Variants in CCDC150 observed in about 807,000 individuals in gnomAD.
The protein encoded by CCDC150 is coiled-coil domain containing 150.
In CCDC150, 151 loss-of-function variants were observed where a neutral mutation model predicts 156.5. That is an observed-to-expected ratio of 0.97 (90% confidence interval 0.85 to 1.10). The LOEUF is 1.10. Among genes scored for constraint, CCDC150 ranks in the 50% least tolerant of loss-of-function variants. The pLI, the probability that CCDC150 is intolerant of heterozygous loss-of-function variation, is 0.00. For synonymous variants in CCDC150, 452 were observed against 429.4 expected (o/e 1.05, Z -0.65); for missense variants, 1,312 against 1,268.1 (o/e 1.03, Z -0.53).
intron 13 of CCDC150, among the ~76,000 whole-genome samples, chr2:196,681,335 GCACACACACATA>G (rs1694807664): frequency 6.6e-6 from 1 of 151,896 alleles, no homozygotes; most frequent in African/African-American, 2.4e-5. Flanking sequence ...GTATGTGCAC[GCACACACACATA>G]CACACACACC....
intron 9 of CCDC150, 128 bp downstream of exon 9, chr2:196,672,565 T>G: frequency 2.0e-6 from 1 of 493,410 alleles, no homozygotes. Flanking sequence ...TTCATTTCCA[T>G]AAGATTTATT....
At chr2:196,685,482 A>G (rs1456070883) in intron 13 of CCDC150, among the ~76,000 whole-genome samples, 1 of 152,236 alleles carries the variant, frequency 6.6e-6, no homozygotes, top group Non-Finnish European at 1.5e-5. Flanking sequence ...GAGTGTGTTT[A>G]AACTAGAAGA....
chr2:196,693,510 C>T (rs1288158199), intron 13 of CCDC150, among the ~76,000 whole-genome samples: 2 of 152,192 alleles, frequency 1.3e-5, no homozygotes, highest in Non-Finnish European at 2.9e-5. Context: ...TATCCTTCAG[C>T]CTTGACACAC....
At chr2:196,730,187 T>C (rs1698449751) in intron 25 of CCDC150, 69 bp downstream of exon 25, 1 of 1,386,036 alleles carries the variant, frequency 7.2e-7, no homozygotes, top group Non-Finnish European at 9.8e-7. Context: ...CCAGTAGTTT[T>C]GCACCTAGAC....
intron 15 of CCDC150, among the ~76,000 whole-genome samples, chr2:196,703,532 A>G (rs1254031913): frequency 1.3e-5 from 2 of 152,192 alleles, no homozygotes; most frequent in South Asian, 2.1e-4. Context: ...TCTCATTGGG[A>G]AAAATAGGCT....
chr2:196,702,665 T>C (rs1344869465), intron 15 of CCDC150, among the ~76,000 whole-genome samples: 1 of 151,648 alleles, frequency 6.6e-6, no homozygotes, highest in East Asian at 1.9e-4. Context: ...TCAGTACTTT[T>C]TAAAGCTACT....
At chr2:196,652,424 T>C (rs189025663) in intron 2 of CCDC150, among the ~76,000 whole-genome samples, 1 of 152,330 alleles carries the variant, frequency 6.6e-6, no homozygotes, top group African/African-American at 2.4e-5. Flanking sequence ...AAAGGAGCAA[T>C]GGGTCCCACA....
chr2:196,705,817 C>T (rs1161446615), intron 15 of CCDC150, among the ~76,000 whole-genome samples: 2 of 152,112 alleles, frequency 1.3e-5, no homozygotes, highest in Admixed American at 6.6e-5. Flanking sequence ...AAATCCTTTC[C>T]CCATTTCTTG....
chr2:196,645,458 C>G (rs762656371), intron 1 of CCDC150, among the ~76,000 whole-genome samples: 1 of 152,166 alleles, frequency 6.6e-6, no homozygotes, highest in East Asian at 1.9e-4. Flanking sequence ...CATTCCCATA[C>G]GAACACTATC....
At chr2:196,709,660 T>C (rs1249143912) in intron 15 of CCDC150, among the ~76,000 whole-genome samples, 1 of 152,230 alleles carries the variant, frequency 6.6e-6, no homozygotes, top group Admixed American at 6.5e-5. Context: ...CCTTTGGTCT[T>C]TGACATTGGT....
At chr2:196,641,334 C>G (rs1692221077) in intron 1 of CCDC150, among the ~76,000 whole-genome samples, 1 of 152,062 alleles carries the variant, frequency 6.6e-6, no homozygotes, top group Non-Finnish European at 1.5e-5. Context: ...CTGTGTTACT[C>G]CTTCCTCTCC....
intron 13 of CCDC150, among the ~76,000 whole-genome samples, chr2:196,677,900 G>T (rs533573457): frequency 6.6e-6 from 1 of 152,142 alleles, no homozygotes; most frequent in Non-Finnish European, 1.5e-5. Context: ...TGAGGCAGGA[G>T]AATCGCCTGA....
chr2:196,695,380 A>G (rs1365526574), intron 14 of CCDC150, among the ~76,000 whole-genome samples: 2 of 152,214 alleles, frequency 1.3e-5, no homozygotes, highest in African/African-American at 2.4e-5. Context: ...GAAAAATACA[A>G]ATATATCTGA....
intron 2 of CCDC150, among the ~76,000 whole-genome samples, chr2:196,648,930 G>T (rs10804076): frequency 0.78 from 119,121 of 152,108 alleles, 46,854 homozygotes; most frequent in East Asian, 0.97. Flanking sequence ...GCACCTTTGT[G>T]GAAAATCAAT....
chr2:196,686,629 GT>G (rs1040095363), intron 13 of CCDC150, among the ~76,000 whole-genome samples: 17 of 147,030 alleles, frequency 1.2e-4, no homozygotes, highest in South Asian at 1.1e-3. Context: ...TCACACCTAG[GT>G]TTTTTTTTTT....
At chr2:196,656,349 A>G (rs545418468) in intron 2 of CCDC150, among the ~76,000 whole-genome samples, 49 of 151,906 alleles carry the variant, frequency 3.2e-4, no homozygotes, top group African/African-American at 1.0e-3. Flanking sequence ...AGCTTTTCCT[A>G]CCTAGTCAAT....
chr2:196,674,447 ATTTC>A, intron 10 of CCDC150, 99 bp downstream of exon 10: 1 of 695,642 alleles, frequency 1.4e-6, no homozygotes. Flanking sequence ...TTAACAATAA[ATTTC>A]AAAAAATCTA....
rs747959200 is a variant in CCDC150, at chr2:196,646,323, T to C, written c.13-18T>C. On this transcript the variant is annotated intron_variant, in intron 1 of 27. Coordinates refer to ENST00000389175, the MANE Select transcript of CCDC150 (RefSeq NM_001080539.2). ...AATAATAGGACCTACCACACTAAGATTGTGACTGTATTCTTAGGTACATAT... is the reference window on the plus strand; with the variant it reads ...AATAATAGGACCTACCACACTAAGACTGTGACTGTATTCTTAGGTACATAT... The C allele has an allele frequency of 1.2e-6, 2 of 1,611,050 alleles. No individual in the cohort carries two copies. The highest frequency in any genetic ancestry group is 1.7e-6 in the Non-Finnish European group (2 of 1,177,346).
chr2:196,732,298 T>G (rs1291496911), intron 27 of CCDC150, 146 bp downstream of exon 27: 11 of 1,179,378 alleles, frequency 9.3e-6, no homozygotes, highest in Non-Finnish European at 1.3e-5. Context: ...ATTAATTTCT[T>G]TTTTTTACAA....
Sources: gnomAD v4.1 joint callset for allele counts (sites outside exome capture counted in the v4.1 genomes callset) on GRCh38, gnomAD v4.1.1 for gene constraint, MANE v1.5 for transcripts, NCBI Gene and HGNC (gene_info 2026-07-23, HGNC 2026-07-21) for gene names.